Variants in MKLN1 observed in about 807,000 individuals in gnomAD.
MKLN1 encodes muskelin.
Under a neutral mutation model 99.0 loss-of-function variants are expected in MKLN1, and 18 were observed. That is an observed-to-expected ratio of 0.18 (90% CI 0.13 to 0.27). The LOEUF is 0.27. Among genes scored for constraint, MKLN1 ranks in the 10% least tolerant of loss-of-function variants. The pLI is 1.00. For missense variants in MKLN1, 621 were observed against 875.9 expected (o/e 0.71, Z 3.67); for synonymous variants, 288 against 293.2 (o/e 0.98, Z 0.18).
chr7:131,367,859 C>T (rs1246954860), intron 1 of MKLN1, among the ~76,000 whole-genome samples: 2 of 152,144 alleles, frequency 1.3e-5, no homozygotes, highest in Non-Finnish European at 2.9e-5. Context: ...CCTATGATTG[C>T]TCCTTCAGTA....
chr7:131,394,277 C>G (rs1393070591), intron 4 of MKLN1, among the ~76,000 whole-genome samples: 1 of 152,080 alleles, frequency 6.6e-6, no homozygotes, highest in African/African-American at 2.4e-5. Flanking sequence ...ATTCACACAG[C>G]TTCCTTTATA....
At chr7:131,234,643 T>G (rs1797290044) in intron 3 of MKLN1, among the ~76,000 whole-genome samples, 1 of 152,348 alleles carries the variant, frequency 6.6e-6, no homozygotes, top group South Asian at 2.1e-4. Flanking sequence ...GCTTTACATT[T>G]TAACTCTCCA....
intron 1 of MKLN1, among the ~76,000 whole-genome samples, chr7:131,114,655 G>A (rs1172104045): frequency 1.3e-5 from 2 of 152,196 alleles, no homozygotes; most frequent in Non-Finnish European, 2.9e-5. Context: ...TCAAGAAAAA[G>A]AGGATTGTGG....
chr7:131,137,925 C>CT (rs58860730), intron 1 of MKLN1, among the ~76,000 whole-genome samples: 30,274 of 118,316 alleles, frequency 0.26, 5,157 homozygotes, highest in Non-Finnish European at 0.38. Flanking sequence ...TCTTTCTTTA[C>CT]TTTTTTTTTT....
chr7:131,266,382 T>C (rs759373833), intron 3 of MKLN1, among the ~76,000 whole-genome samples: 2 of 152,184 alleles, frequency 1.3e-5, no homozygotes, highest in African/African-American at 2.4e-5. Flanking sequence ...TTTTGCAGCC[T>C]ACTGTGAGAA....
intron 3 of MKLN1, among the ~76,000 whole-genome samples, chr7:131,315,397 T>A (rs1798646840): frequency 6.6e-6 from 1 of 152,146 alleles, no homozygotes; most frequent in Non-Finnish European, 1.5e-5. Flanking sequence ...TCCCACGGTA[T>A]TTGCAAGCCG....
chr7:131,224,050 C>T (rs1006732720), intron 3 of MKLN1, among the ~76,000 whole-genome samples: 8 of 149,244 alleles, frequency 5.4e-5, no homozygotes, highest in Non-Finnish European at 7.4e-5. Flanking sequence ...AGGTGTGAGC[C>T]GCTGAACCCA....
chr7:131,371,431 C>T (rs1051061692), intron 1 of MKLN1, among the ~76,000 whole-genome samples: 4 of 152,142 alleles, frequency 2.6e-5, no homozygotes, highest in African/African-American at 9.7e-5. Context: ...TTCCCTAAGT[C>T]ATCTCACTTA....
intron 10 of MKLN1, among the ~76,000 whole-genome samples, chr7:131,442,881 A>C (rs1795883273): frequency 6.6e-6 from 1 of 152,262 alleles, no homozygotes; most frequent in South Asian, 2.1e-4. Context: ...TGTATAGCTT[A>C]ATTCAAAGAA....
intron 9 of MKLN1, among the ~76,000 whole-genome samples, chr7:131,431,313 C>T (rs1463929842): frequency 1.3e-5 from 2 of 152,168 alleles, no homozygotes; most frequent in Non-Finnish European, 2.9e-5. Context: ...TGGTTAGCTT[C>T]AGCCTTTGTT....
chr7:131,349,747 A>AT (rs1304839303), intron 1 of MKLN1, among the ~76,000 whole-genome samples: 8 of 152,250 alleles, frequency 5.3e-5, no homozygotes, highest in South Asian at 4.1e-4. Flanking sequence ...CAGCAGATAG[A>AT]TTTTTTTGTT....
Position 131,487,699 on chromosome 7 carries a change from G to A in MKLN1, c.2179G>A (p.Gly727Ser). The stretch of plus-strand genomic sequence containing the variant: ...TCCTGACAGCATGACTCCTCCTAAA[G>A]GCAACCTGGTAGACCTCATCACACT... ...FFPDSMTPPKGNLVDLITL is the reference protein window; with the variant it reads ...FFPDSMTPPKSNLVDLITL Residue 727 changes from glycine (G) to serine (S), a missense_variant, in exon 18 of 18, where the codon GGC becomes AGC. Gly to Ser is a moderately conservative substitution (Grantham distance 56). Transcript: ENST00000352689. This position sits in a 1 kb window ranked among gnomAD's most constrained non-coding sequence, Gnocchi z 4.7. 4.3e-6 allele frequency: 7 copies of A among 1,613,026 alleles called. No individual in the cohort carries two copies. The South Asian group carries it at 7.7e-5, about 18-fold the overall frequency.
chr7:131,449,602 ACT>A (rs1449149028), intron 12 of MKLN1, among the ~76,000 whole-genome samples: 1 of 151,552 alleles, frequency 6.6e-6, no homozygotes, highest in Non-Finnish European at 1.5e-5. Context: ...AACCTCAGTG[ACT>A]CTGTTAGCAC....
intron 3 of MKLN1, among the ~76,000 whole-genome samples, chr7:131,243,944 G>A (rs755916935): frequency 6.6e-6 from 1 of 152,102 alleles, no homozygotes; most frequent in Non-Finnish European, 1.5e-5. Context: ...GAACCAGGAG[G>A]CAGAGGTTGA....
At chr7:131,217,236 T>C (rs538348989) in intron 3 of MKLN1, among the ~76,000 whole-genome samples, 1 of 152,202 alleles carries the variant, frequency 6.6e-6, no homozygotes, top group Non-Finnish European at 1.5e-5. Flanking sequence ...CAGTAGTGAC[T>C]AAGAAGTATA....
At chr7:131,484,794 T>C (rs965598811) in intron 17 of MKLN1, among the ~76,000 whole-genome samples, 1 of 152,072 alleles carries the variant, frequency 6.6e-6, no homozygotes, top group Non-Finnish European at 1.5e-5. Context: ...GTGGTACATA[T>C]ATAGCAAATC....
At chr7:131,381,886 C>T (rs1242639194) in intron 2 of MKLN1, among the ~76,000 whole-genome samples, 1 of 152,158 alleles carries the variant, frequency 6.6e-6, no homozygotes, top group Non-Finnish European at 1.5e-5. Context: ...TACATGCATA[C>T]ATCTGTATGT....
intron 2 of MKLN1, among the ~76,000 whole-genome samples, chr7:131,184,820 C>T (rs1796426064): frequency 6.6e-6 from 1 of 152,154 alleles, no homozygotes. Context: ...GCCACCATGC[C>T]CGGCCAGCAA....
At chr7:131,287,892 T>A (rs1321967740) in intron 3 of MKLN1, among the ~76,000 whole-genome samples, 2 of 152,136 alleles carry the variant, frequency 1.3e-5, no homozygotes, top group Non-Finnish European at 2.9e-5. Flanking sequence ...CCCCCTTTGC[T>A]TCTTACTTTT....
Sources: gnomAD v4.1 joint callset for allele counts (sites outside exome capture counted in the v4.1 genomes callset) on GRCh38, gnomAD v4.1.1 for gene constraint, Gnocchi (gnomAD v3.1) non-coding constraint, MANE v1.5 for transcripts, NCBI Gene and HGNC (gene_info 2026-07-23, HGNC 2026-07-21) for gene names.